Variants in OR51L1 observed in about 807,000 individuals in gnomAD.
OR51L1 encodes olfactory receptor family 51 subfamily L member 1.
OR51L1 carries 1 observed loss-of-function variant against 1.4 expected under a neutral mutation model. That is an observed-to-expected ratio of 0.72 (90% CI 0.26 to 3.42). The LOEUF is 3.42. OR51L1 is among the 30% of genes most tolerant of loss of function. The pLI, the probability that OR51L1 is intolerant of heterozygous loss-of-function variation, is 0.20. For missense variants in OR51L1, 378 were observed against 380.0 expected (o/e 0.99, Z 0.04); for synonymous variants, 156 against 144.2 (o/e 1.08, Z -0.59).
rs970467272 is a variant in OR51L1, at chr11:4,998,860, G to T, written c.-123G>T. ...GATACCAGCTTCCTTCCTCTGTGAG[G>T]TTAGACGAAAGATGTATTTTTGTCC... On this transcript the variant is annotated 5_prime_UTR_variant, in exon 3 of 3. Coordinates refer to ENST00000641819, the MANE Select transcript of OR51L1 (RefSeq NM_001004755.2). 1.5e-5 allele frequency: 16 copies of T among 1,071,248 alleles called. No homozygotes were observed. In the African/African-American group the frequency reaches 2.4e-4, roughly 16 times the overall value. The allele number at this position is 1,071,248 out of a possible 1,614,324, so 66.4% of individuals were successfully genotyped here. A position where few individuals can be genotyped will look rare whatever the true frequency, so the allele number is the denominator to read the frequency against.
Position 5,002,380 on chromosome 11 carries a change from C to T in OR51L1, c.*2450C>T, listed in dbSNP as rs982041924. The T allele has an allele frequency of 1.3e-5, 2 of 152,072 alleles. No homozygotes were observed. The highest frequency in any genetic ancestry group is 2.4e-5 in the African/African-American group (1 of 41,408). 9.4% of individuals were successfully genotyped at this position (152,072 alleles called of 1,614,324 possible). ...GGTTAGAAAGAGTATGTGTTAGCAA[C>T]GTTCTTCAGTCTAACTTAAAACTTA... On this transcript the variant is annotated 3_prime_UTR_variant, in exon 3 of 3. Coordinates refer to ENST00000641819, the MANE Select transcript of OR51L1 (RefSeq NM_001004755.2).
At chr11:4,997,003 C>T (rs1847079390) in intron 1 of OR51L1, among the ~76,000 whole-genome samples, 1 of 151,978 alleles carries the variant, frequency 6.6e-6, no homozygotes, top group Non-Finnish European at 1.5e-5. Context: ...ATGCTCTAAA[C>T]ACATACTCTG....
rs1554896494 is a variant in OR51L1 at position 4,996,721 on chromosome 11, T to TTTTCCTTTCTTTCTTTC, written c.-261-757_-261-756insCTTTCTTTCTTTCTTTC. 5.6e-5 allele frequency among the ~76,000 whole-genome samples: 6 copies of TTTTCCTTTCTTTCTTTC among 106,276 alleles called. 1 individual carries two copies. Among genetic ancestry groups the TTTTCCTTTCTTTCTTTC allele is most frequent in the Non-Finnish European group, 3.9e-5 (2 of 51,430 alleles). 69.7% of individuals were successfully genotyped at this position (106,276 alleles called of 152,430 possible). A position where few individuals can be genotyped will look rare whatever the true frequency, so the allele number is the denominator to read the frequency against. On this transcript the variant is annotated intron_variant, in intron 1 of 2. Coordinates refer to ENST00000641819, the MANE Select transcript of OR51L1 (RefSeq NM_001004755.2). ...TCTTTTCCTTCCTTCCTTTCTTTTC[T>TTTTCCTTTCTTTCTTTC]TTTCTTTCTTTCTTTCTTTCTTTCT...
chr11:4,996,721 TTTTC>T (rs61073391), intron 1 of OR51L1, among the ~76,000 whole-genome samples: 12,509 of 106,106 alleles, frequency 0.12, 641 homozygotes, highest in African/African-American at 0.15. Flanking sequence ...CTTTCTTTTC[TTTTC>T]TTTCTTTCTT....
rs768886448 is a variant in OR51L1 at position 4,999,788 on chromosome 11, A to C, written c.806A>C (p.His269Pro). The change falls in exon 3 of 3, where the codon CAT becomes CCT. Residue 269 changes from histidine to proline, a missense_variant. Physicochemically the swap from His to Pro is moderately conservative, Grantham distance 77. Transcript: ENST00000641819. ...TCAATGGTCCATCGCTTTGGGAAGC[A>C]TCTGTCTCCCATAGTCCACATCCTC... ...GVSMVHRFGK[H>P]LSPIVHILMA... The C allele has an allele frequency of 7.2e-5, 117 of 1,613,966 alleles. No individual in the cohort carries two copies. The highest frequency in any genetic ancestry group is 8.7e-5 in the Non-Finnish European group (103 of 1,180,012).
chr11:4,999,639 T>G lies in OR51L1; in HGVS notation c.657T>G (p.Ser219=), dbSNP rs1847109412. ...LGVDSIFILL[S]YVLILNTVLD... is the part of the protein sequence containing the mutation. ...TGGATTCAATCTTCATACTTCTTTC[T>G]TATGTTCTGATTCTTAATACTGTGC... The change falls in exon 3 of 3, where the codon TCT becomes TCG. Residue 219 remains serine (S), a synonymous_variant. Coordinates refer to ENST00000641819, the MANE Select transcript of OR51L1 (RefSeq NM_001004755.2). The G allele has an allele frequency of 3.1e-6, 5 of 1,614,048 alleles. No homozygotes were observed. The highest frequency in any genetic ancestry group is 3.3e-4 in the Middle Eastern group (2 of 6,060).
At chr11:4,996,711 C>CT (rs1161078487) in intron 1 of OR51L1, among the ~76,000 whole-genome samples, 9 of 119,314 alleles carry the variant, frequency 7.5e-5, no homozygotes, top group Admixed American at 3.5e-4. Context: ...TCCTTCCTTC[C>CT]TTTCTTTTCT....
chr11:4,997,328 A>G (rs1461122252), intron 1 of OR51L1, among the ~76,000 whole-genome samples, 154 bp from the exon 2 acceptor site: 1 of 152,208 alleles, frequency 6.6e-6, no homozygotes, highest in Non-Finnish European at 1.5e-5. Flanking sequence ...GAATCAGTCA[A>G]GGGATTTTTA....
intron 1 of OR51L1, among the ~76,000 whole-genome samples, chr11:4,996,080 T>A (rs959999195): frequency 2.0e-5 from 3 of 152,064 alleles, no homozygotes; most frequent in Non-Finnish European, 4.4e-5. Flanking sequence ...AGGTGAGGGA[T>A]AAATCAATGA....
chr11:4,998,979 C>T lies in OR51L1; in HGVS notation c.-4C>T, dbSNP rs777959813. The T allele has an allele frequency of 1.2e-6, 2 of 1,610,694 alleles. No homozygotes were observed. The highest frequency in any genetic ancestry group is 2.7e-5 in the African/African-American group (2 of 74,922). ...CACTACTTGCTGAATTACTCAAAGT[C>T]ACTATGGGAGACTGGAATAACAGTG... On this transcript the variant is annotated 5_prime_UTR_variant, in exon 3 of 3. Coordinates refer to ENST00000641819, the MANE Select transcript of OR51L1 (RefSeq NM_001004755.2).
chr11:4,997,248 A>C (rs1337056447), intron 1 of OR51L1, among the ~76,000 whole-genome samples: 1 of 152,156 alleles, frequency 6.6e-6, no homozygotes, highest in Non-Finnish European at 1.5e-5. Context: ...ATTCTAAATC[A>C]AGTCCTCTTT....
At position 4,997,453 on chromosome 11, in the gene OR51L1, G is replaced by C. The variant is rs75022298; in HGVS notation, c.-261-29G>C. The C allele has an allele frequency of 4.3e-4, 65 of 152,280 alleles. 1 individual carries two copies. In the East Asian group the frequency reaches 0.011, roughly 25 times the overall value. 9.4% of individuals were successfully genotyped at this position (152,280 alleles called of 1,614,324 possible). ...TGGAAATATTTTTACTCTAGGATGA[G>C]GCTAAGTCTTATCTTAATCTTTCAA... On this transcript the variant is annotated intron_variant, in intron 1 of 2. Transcript: ENST00000641819.
At position 5,002,861 on chromosome 11, in the gene OR51L1, T is replaced by A. The variant is rs1387916396; in HGVS notation, c.*2931T>A. ...GCACACTAAATTTTACCTCAAAGTC[T>A]GCTTCCCAGAGAACCCTGAAATGAG... On this transcript the variant is annotated 3_prime_UTR_variant, in exon 3 of 3. Coordinates refer to ENST00000641819, the MANE Select transcript of OR51L1 (RefSeq NM_001004755.2). 1 of 152,178 alleles carries A rather than the reference T, an allele frequency of 6.6e-6. No homozygotes were observed. The highest frequency in any genetic ancestry group is 2.4e-5 in the African/African-American group (1 of 41,438). 9.4% of individuals were successfully genotyped at this position (152,178 alleles called of 1,614,324 possible). A position where few individuals can be genotyped will look rare whatever the true frequency, so the allele number is the denominator to read the frequency against.
In OR51L1 at chr11:4,999,716, C is replaced by A. The variant is rs754580728; in HGVS notation, c.734C>A (p.Ser245Tyr). 6.2e-6 allele frequency: 10 copies of A among 1,613,794 alleles called. No homozygotes were observed. The East Asian group carries it at 2.0e-4, about 32-fold the overall frequency. ...EQLKALNTCV[S>Y]HICVVLIFFV... is the part of the protein sequence containing the mutation. Reference sequence around the variant, plus strand: ...CTAAAGGCACTCAACACATGTGTATCCCATATCTGTGTGGTGCTTATCTTC... The same window carrying A: ...CTAAAGGCACTCAACACATGTGTATACCATATCTGTGTGGTGCTTATCTTC... Residue 245 changes from serine (S) to tyrosine (Y), a missense_variant, in exon 3 of 3, where the codon TCC becomes TAC. Transcript: ENST00000641819.
Position 4,999,164 on chromosome 11 carries a change from T to A in OR51L1, c.182T>A (p.Met61Lys). 1 of 1,613,964 alleles carries A rather than the reference T, an allele frequency of 6.2e-7. No homozygotes were observed. Among genetic ancestry groups the A allele is most frequent in the Non-Finnish European group, 8.5e-7 (1 of 1,179,808 alleles). The change falls in exon 3 of 3, where the codon ATG (methionine) becomes AAG (lysine). Residue 61 changes from methionine to lysine, a missense_variant. Coordinates refer to ENST00000641819, the MANE Select transcript of OR51L1 (RefSeq NM_001004755.2). ...ATAGAATCCTCTCTCCATCAGCCCA[T>A]GTATTACTTTATTTCCATCTTAGCA... ...IWIESSLHQPMYYFISILAVN... is the reference protein window; with the variant it reads ...IWIESSLHQPKYYFISILAVN...
At chr11:4,997,999 A>T (rs1348493111) in intron 2 of OR51L1, among the ~76,000 whole-genome samples, 1 of 152,188 alleles carries the variant, frequency 6.6e-6, no homozygotes, top group Non-Finnish European at 1.5e-5. Flanking sequence ...GAAATCAATC[A>T]ATCAAAAAAA....
chr11:4,998,914 T>A lies in OR51L1; in HGVS notation c.-69T>A. ...TTCCATTATTTGTACTCAAAAGAGA[T>A]AACTTTGAGGGATCAGGAAGGAAAA... On this transcript the variant is annotated 5_prime_UTR_variant, in exon 3 of 3. It removes the in-frame stop codon of an upstream open reading frame in the 5' UTR. Coordinates refer to ENST00000641819, the MANE Select transcript of OR51L1 (RefSeq NM_001004755.2). 6.6e-7 allele frequency: 1 copy of A among 1,513,722 alleles called. No individual in the cohort carries two copies. Among genetic ancestry groups the A allele is most frequent in the South Asian group, 1.3e-5 (1 of 77,910 alleles). 93.8% of individuals were successfully genotyped at this position (1,513,722 alleles called of 1,614,324 possible).
At position 4,996,757 on chromosome 11, in the gene OR51L1, C is replaced by CTTTCTTTCTT. The variant is rs1847076211; in HGVS notation, c.-261-723_-261-714dup. Among the ~76,000 whole-genome samples, 3 of 127,520 alleles carry CTTTCTTTCTT rather than the reference C, an allele frequency of 2.4e-5. No individual in the cohort carries two copies. The South Asian group carries it at 7.5e-4, about 32-fold the overall frequency. 83.7% of individuals were successfully genotyped at this position (127,520 alleles called of 152,430 possible). A position where few individuals can be genotyped will look rare whatever the true frequency, so the allele number is the denominator to read the frequency against. ...TCTTTCTTTCTTTCTTTCTTTCTTT[C>CTTTCTTTCTT]TTTCTTTCTTTCATTTCTCTCTCTC... On this transcript the variant is annotated intron_variant, in intron 1 of 2. Coordinates refer to ENST00000641819, the MANE Select transcript of OR51L1 (RefSeq NM_001004755.2).
In OR51L1 at chr11:4,999,821, ACATCTAC is replaced by A. The variant is rs756183059; in HGVS notation, c.841_847del (p.Ile281PhefsTer21). The A allele has an allele frequency of 6.2e-6, 10 of 1,613,936 alleles. No individual in the cohort carries two copies. The highest frequency in any genetic ancestry group is 8.5e-6 in the Non-Finnish European group (10 of 1,180,010). On this transcript the variant is annotated frameshift_variant, in exon 3 of 3. Transcript: ENST00000641819. LOFTEE classifies it high-confidence loss of function. ...CCCATAGTCCACATCCTCATGGCAG[ACATCTAC>A]CTTCTTCTTCCCCCAGTCCTTAACC...
Sources: gnomAD v4.1 joint callset for allele counts (sites outside exome capture counted in the v4.1 genomes callset) on GRCh38, gnomAD v4.1.1 for gene constraint, MANE v1.5 for transcripts, NCBI Gene and HGNC (gene_info 2026-07-23, HGNC 2026-07-21) for gene names.